Variants in ALKBH5 observed in about 807,000 individuals in gnomAD.
The protein encoded by ALKBH5 is alkB homolog 5, RNA demethylase, also known as RNA demethylase ALKBH5.
In ALKBH5, 2 loss-of-function variants were observed where a neutral mutation model predicts 32.1. The ratio of observed to expected loss-of-function variants is 0.06; its 90% CI spans 0.03 to 0.20. ALKBH5 has a LOEUF of 0.20. ALKBH5 is among the 10% of genes least tolerant of loss of function. ALKBH5 has a pLI of 1.00. For synonymous variants in ALKBH5, 300 were observed against 231.7 expected, an observed-to-expected ratio of 1.29 and a Z score of -2.68; for missense variants, 352 against 559.5, an observed-to-expected ratio of 0.63 and a Z score of 3.74.
At chr17:18,201,785 AGGATAGATAAGATAGATAGATAGAT>A (rs1236769057) in intron 2 of ALKBH5, among the ~76,000 whole-genome samples, 3 of 107,682 alleles carry the variant, frequency 2.8e-5, no homozygotes, top group African/African-American at 1.0e-4. Context: ...ATAGATAGAT[AGGATAGATAAGATAGATAGATAGAT>A]AGATAGATAG....
chr17:18,192,044 C>T (rs1019042674), intron 1 of ALKBH5, among the ~76,000 whole-genome samples: 1 of 151,996 alleles, frequency 6.6e-6, no homozygotes, highest in Admixed American at 6.6e-5. Context: ...GACCCCCATT[C>T]CCCCAGTGTG....
chr17:18,199,375 G>A (rs372170541), intron 2 of ALKBH5, among the ~76,000 whole-genome samples: 4 of 152,230 alleles, frequency 2.6e-5, no homozygotes, highest in African/African-American at 9.6e-5. Context: ...CCAAGAGGCT[G>A]ACAAACTTCT....
rs2047287534 is a variant in ALKBH5, at chr17:18,208,883, C to G, written c.*487C>G. 4.1e-6 allele frequency: 1 copy of G among 246,642 alleles called. No homozygotes were observed. Among genetic ancestry groups the G allele is most frequent in the South Asian group, 4.3e-5 (1 of 23,268 alleles). The allele number at this position is 246,642 out of a possible 1,614,324, so 15.3% of individuals were successfully genotyped here. ...CTGGAGCCTCACAGGCTCTGCTGTTCTCCACTTCTCACCTGCCATCCACGC... is the reference window on the plus strand; with the variant it reads ...CTGGAGCCTCACAGGCTCTGCTGTTGTCCACTTCTCACCTGCCATCCACGC... On this transcript the variant is annotated 3_prime_UTR_variant, in exon 4 of 4. Transcript: ENST00000399138.
intron 1 of ALKBH5, among the ~76,000 whole-genome samples, chr17:18,193,719 T>C (rs1009856860): frequency 6.6e-6 from 1 of 152,128 alleles, no homozygotes; most frequent in Non-Finnish European, 1.5e-5. Context: ...AGCCTGGCCA[T>C]CTTGAGGGGT....
In ALKBH5 at chr17:18,209,109, C is replaced by G. The variant is rs551120246; in HGVS notation, c.*713C>G. ...GGGGCTAGTGCAGTGGTCCTGACCT[C>G]TCTTATCAAGAGCACACTTCTTTGC... On this transcript the variant is annotated 3_prime_UTR_variant, in exon 4 of 4. Transcript: ENST00000399138. The G allele has an allele frequency of 6.5e-6, 1 of 154,450 alleles. No homozygotes were observed. Among genetic ancestry groups the G allele is most frequent in the African/African-American group, 2.4e-5 (1 of 41,580 alleles). The allele number at this position is 154,450 out of a possible 1,614,324, so 9.6% of individuals were successfully genotyped here. A position where few individuals can be genotyped will look rare whatever the true frequency, so the allele number is the denominator to read the frequency against.
intron 3 of ALKBH5, 79 bp from the exon 4 acceptor site, chr17:18,208,140 G>T: frequency 6.8e-7 from 1 of 1,468,328 alleles, no homozygotes; most frequent in Non-Finnish European, 9.2e-7. Flanking sequence ...CCATCCCAAG[G>T]ATGAGACGAG....
intron 1 of ALKBH5, among the ~76,000 whole-genome samples, chr17:18,191,303 G>A (rs1027315051): frequency 6.6e-6 from 1 of 152,196 alleles, no homozygotes; most frequent in African/African-American, 2.4e-5. Context: ...TGTCATAGCT[G>A]CTAGGAAGTT....
chr17:18,185,854 GC>G (rs1195360456), intron 1 of ALKBH5, among the ~76,000 whole-genome samples: 1 of 152,248 alleles, frequency 6.6e-6, no homozygotes, highest in Non-Finnish European at 1.5e-5. Flanking sequence ...TTATTTGGAA[GC>G]GGCCTCCTTC....
intron 2 of ALKBH5, among the ~76,000 whole-genome samples, chr17:18,201,831 AGATAGAT>A (rs1344430052): frequency 4.7e-5 from 5 of 106,382 alleles, no homozygotes; most frequent in East Asian, 2.1e-4. Context: ...ATAGATAGAT[AGATAGAT>A]GATAGATAGA....
intron 1 of ALKBH5, among the ~76,000 whole-genome samples, chr17:18,186,079 T>C (rs372844971): frequency 1.6e-4 from 24 of 152,282 alleles, no homozygotes; most frequent in Non-Finnish European, 2.9e-4. Flanking sequence ...GCCTTCTTGA[T>C]ATGAGATTAG....
At chr17:18,200,884 C>G (rs1390847107) in intron 2 of ALKBH5, among the ~76,000 whole-genome samples, 1 of 152,216 alleles carries the variant, frequency 6.6e-6, no homozygotes, top group Non-Finnish European at 1.5e-5. Context: ...GCAAAAGCTT[C>G]ACGCTGTGCA....
intron 2 of ALKBH5, among the ~76,000 whole-genome samples, chr17:18,196,124 A>G (rs1200806776): frequency 1.3e-5 from 2 of 151,686 alleles, no homozygotes; most frequent in Non-Finnish European, 2.9e-5. Flanking sequence ...CTGTCCCAAG[A>G]TCATCCTACG....
intron 2 of ALKBH5, among the ~76,000 whole-genome samples, chr17:18,196,305 C>G (rs1477201888): frequency 6.6e-6 from 1 of 152,060 alleles, no homozygotes; most frequent in African/African-American, 2.4e-5. Flanking sequence ...TCACTGCAAC[C>G]TCTGCGTCCC....
intron 2 of ALKBH5, among the ~76,000 whole-genome samples, chr17:18,203,703 G>T (rs1020121243): frequency 6.6e-6 from 1 of 152,248 alleles, no homozygotes; most frequent in Non-Finnish European, 1.5e-5. Flanking sequence ...TTTTAACAGG[G>T]GCATGTTCTG....
chr17:18,206,783 C>T (rs770952584), intron 2 of ALKBH5, 32 bp from the exon 3 acceptor site: 5 of 1,608,688 alleles, frequency 3.1e-6, no homozygotes, highest in Admixed American at 1.7e-5. Flanking sequence ...ACCGGAGGCC[C>T]TTTGGTGACC....
intron 1 of ALKBH5, among the ~76,000 whole-genome samples, chr17:18,191,841 T>TG (rs2047176690): frequency 6.6e-6 from 1 of 151,780 alleles, no homozygotes; most frequent in African/African-American, 2.4e-5. Context: ...CCCAGTTACT[T>TG]GGGGGTCTGA....
chr17:18,195,030 C>T lies in ALKBH5; in HGVS notation c.846C>T (p.Leu282=), dbSNP rs780724841. 3.3e-5 allele frequency: 53 copies of T among 1,613,052 alleles called. No individual in the cohort carries two copies. The highest frequency in any genetic ancestry group is 4.2e-5 in the Non-Finnish European group (50 of 1,179,824). ...DIKERRAVII[L]RKTRLDAPRL... Reference sequence around the variant, plus strand: ...AGGAGCGCCGAGCAGTCATCATCCTCAGGAAGTAAGTGCCTTGATGTCTGA... The same window carrying T: ...AGGAGCGCCGAGCAGTCATCATCCTTAGGAAGTAAGTGCCTTGATGTCTGA... Residue 282 remains leucine, a synonymous_variant, in exon 2 of 4, where the codon CTC becomes CTT. Transcript: ENST00000399138.
At chr17:18,185,243 C>T (rs1364537728) in intron 1 of ALKBH5, among the ~76,000 whole-genome samples, 1 of 152,124 alleles carries the variant, frequency 6.6e-6, no homozygotes, top group East Asian at 1.9e-4. Flanking sequence ...GACGGGATCA[C>T]TGACTTGGCT....
chr17:18,199,440 A>G (rs532423737), intron 2 of ALKBH5, among the ~76,000 whole-genome samples: 296 of 152,298 alleles, frequency 1.9e-3, no homozygotes, highest in Middle Eastern at 6.8e-3. Context: ...ATGATTCCCT[A>G]GTGCTCCTGC....
Sources: gnomAD v4.1 joint callset for allele counts (sites outside exome capture counted in the v4.1 genomes callset) on GRCh38, gnomAD v4.1.1 for gene constraint, MANE v1.5 for transcripts, NCBI Gene and HGNC (gene_info 2026-07-23, HGNC 2026-07-21) for gene names.